Variants in SPATA13 observed in about 807,000 individuals in gnomAD.
The protein encoded by SPATA13 is spermatogenesis associated 13, also known as spermatogenesis-associated protein 13.
SPATA13 carries 50 observed loss-of-function variants against 104.0 expected under a neutral mutation model. The observed-to-expected ratio is 0.48, with a 90% CI of 0.38 to 0.61. The LOEUF (loss-of-function observed/expected upper bound fraction) is 0.61, where lower values mean the gene tolerates loss of function less well. SPATA13 is among the 20% of genes least tolerant of loss of function. The pLI, the probability that SPATA13 is intolerant of heterozygous loss-of-function variation, is 0.00. For missense variants in SPATA13, 1,524 were observed against 1,690.6 expected (o/e 0.90, Z 1.73); for synonymous variants, 606 against 667.5 (o/e 0.91, Z 1.42).
At chr13:23,999,850 C>G (rs937663756) in intron 2 of SPATA13, among the ~76,000 whole-genome samples, 1 of 152,086 alleles carries the variant, frequency 6.6e-6, no homozygotes, top group Non-Finnish European at 1.5e-5. Context: ...GCAGACTTCC[C>G]CTATTTAGAT....
chr13:24,096,960 T>G (rs1880105568), intron 3 of SPATA13, among the ~76,000 whole-genome samples: 1 of 152,188 alleles, frequency 6.6e-6, no homozygotes, highest in South Asian at 2.1e-4. Context: ...TTTTAAAAGA[T>G]CACTCAGGCC....
rs1432028299 is a variant in SPATA13 at position 24,051,105 on chromosome 13, A to G, written c.-112+33404A>G. 1.3e-5 allele frequency among the ~76,000 whole-genome samples: 2 copies of G among 152,066 alleles called. No homozygotes were observed. Among genetic ancestry groups the G allele is most frequent in the East Asian group, 3.9e-4 (2 of 5,190 alleles). On this transcript the variant is annotated intron_variant, in intron 3 of 14. Coordinates refer to the SPATA13 transcript ENST00000424834. The surrounding 1 kb of genome is among the most constrained non-coding windows in gnomAD (Gnocchi z 4.2). ...CTTCTCCGGATTTCCCCCACCTTTT[A>G]TGAATGTCACTGAGCAAATGAACTC...
intron 3 of SPATA13, among the ~76,000 whole-genome samples, chr13:24,128,747 A>C (rs908913678): frequency 7.9e-5 from 12 of 152,142 alleles, no homozygotes; most frequent in African/African-American, 1.4e-4. Context: ...AAAAAAAAAA[A>C]AAAACTGCTT....
chr13:24,269,261 G>T (rs992031598), intron 4 of SPATA13, among the ~76,000 whole-genome samples: 4 of 152,156 alleles, frequency 2.6e-5, no homozygotes, highest in African/African-American at 9.7e-5. Flanking sequence ...CCCTAATTTT[G>T]TTATGGGAAA....
chr13:24,245,594 T>C (rs1290457934), intron 2 of SPATA13, among the ~76,000 whole-genome samples: 1 of 145,996 alleles, frequency 6.8e-6, no homozygotes. Context: ...CTTTTTTTTT[T>C]TTTTTTTTTT....
chr13:24,037,559 A>G (rs1409555534), intron 3 of SPATA13, among the ~76,000 whole-genome samples: 3 of 149,374 alleles, frequency 2.0e-5, no homozygotes, highest in Non-Finnish European at 4.5e-5. Flanking sequence ...AGGTGTGCAC[A>G]CCACCACACC....
intron 3 of SPATA13, among the ~76,000 whole-genome samples, chr13:24,105,316 G>C (rs537581581): frequency 7.2e-5 from 11 of 151,868 alleles, no homozygotes; most frequent in East Asian, 1.9e-4. Flanking sequence ...TTGTATTTTG[G>C]GGGGTAGAGA....
Position 24,153,174 on chromosome 13 carries a change from A to T in SPATA13, c.-111-69645A>T, listed in dbSNP as rs1018871565. 2.0e-5 allele frequency among the ~76,000 whole-genome samples: 3 copies of T among 152,230 alleles called. No individual in the cohort carries two copies. The East Asian group carries it at 5.8e-4, about 29-fold the overall frequency. Reference sequence around the variant, plus strand: ...CATCATAAACATTACGTCCACATACAGACACATTAGCTGCCTGGCAAAGGA... The same window carrying T: ...CATCATAAACATTACGTCCACATACTGACACATTAGCTGCCTGGCAAAGGA... On this transcript the variant is annotated intron_variant, in intron 3 of 14. Coordinates refer to the SPATA13 transcript ENST00000424834.
intron 3 of SPATA13, among the ~76,000 whole-genome samples, chr13:24,027,118 T>C (rs1486586127): frequency 6.7e-6 from 1 of 149,700 alleles, no homozygotes; most frequent in Non-Finnish European, 1.5e-5. Flanking sequence ...TTGTTCCTGA[T>C]ATTTTTTGTT....
intron 3 of SPATA13, among the ~76,000 whole-genome samples, chr13:24,104,426 A>G (rs1262319986): frequency 6.6e-6 from 1 of 152,210 alleles, no homozygotes; most frequent in Admixed American, 6.5e-5. Flanking sequence ...TAAATCCGCT[A>G]ATCCTTAAAA....
At chr13:24,206,657 C>T (rs979539665) in intron 1 of SPATA13, among the ~76,000 whole-genome samples, 5 of 152,060 alleles carry the variant, frequency 3.3e-5, no homozygotes, top group Non-Finnish European at 5.9e-5. Flanking sequence ...TTTGGGAGGC[C>T]GAGGTGGGTG....
chr13:24,056,792 G>C (rs1010802662), intron 3 of SPATA13, among the ~76,000 whole-genome samples: 1 of 152,112 alleles, frequency 6.6e-6, no homozygotes, highest in Admixed American at 6.5e-5. Flanking sequence ...GTGCGTGTCT[G>C]ATAAGATTTC....
At chr13:24,114,304 AG>A (rs771226153) in intron 3 of SPATA13, among the ~76,000 whole-genome samples, 28 of 150,584 alleles carry the variant, frequency 1.9e-4, no homozygotes, top group Non-Finnish European at 3.6e-4. Context: ...TCTGAGAGTT[AG>A]AATTGATTGA....
In SPATA13 at chr13:24,293,515, G is replaced by C. The variant is rs376690777; in HGVS notation, c.3081-1224G>C. On this transcript the variant is annotated intron_variant, in intron 9 of 12. Coordinates refer to ENST00000382108, the MANE Select transcript of SPATA13 (RefSeq NM_001166271.3). ...TTCCTTTAAGGGCATTTTTCACCAA[G>C]AGCATTTGCAGATTTTGGTTTTTTC... is the stretch of plus-strand genomic sequence containing the variant. Among the ~76,000 whole-genome samples, 628 of 152,242 alleles carry C rather than the reference G, an allele frequency of 4.1e-3. 5 individuals carry two copies. Among genetic ancestry groups the C allele is most frequent in the African/African-American group, 0.014 (596 of 41,550 alleles).
intron 1 of SPATA13, among the ~76,000 whole-genome samples, chr13:24,172,261 A>C (rs1883004766): frequency 1.3e-5 from 2 of 152,206 alleles, no homozygotes; most frequent in South Asian, 4.1e-4. Flanking sequence ...TGATACTAAT[A>C]CTCTTTCAGA....
chr13:24,085,661 G>A (rs933100247), intron 3 of SPATA13, among the ~76,000 whole-genome samples: 2 of 152,178 alleles, frequency 1.3e-5, no homozygotes, highest in South Asian at 2.1e-4. Context: ...CATGTGGCCC[G>A]ACTCCCTTTC....
chr13:24,300,117 G>T (rs961858685), intron 11 of SPATA13, among the ~76,000 whole-genome samples: 1 of 152,142 alleles, frequency 6.6e-6, no homozygotes, highest in Non-Finnish European at 1.5e-5. Context: ...ATATTTGCCC[G>T]GGAGCGTCGG....
intron 3 of SPATA13, among the ~76,000 whole-genome samples, chr13:24,064,283 A>G (rs1166717841): frequency 6.6e-6 from 1 of 152,226 alleles, no homozygotes; most frequent in African/African-American, 2.4e-5. Flanking sequence ...CCCACATTTT[A>G]TGAGTTAGTG....
At chr13:24,066,519 C>T (rs535338216) in intron 3 of SPATA13, among the ~76,000 whole-genome samples, 2 of 152,290 alleles carry the variant, frequency 1.3e-5, no homozygotes, top group South Asian at 4.1e-4. Flanking sequence ...TTTTACCACC[C>T]TGGGACAAAC....
Sources: allele counts gnomAD v4.1 joint callset (sites outside exome capture counted in the v4.1 genomes callset), GRCh38; gene constraint gnomAD v4.1.1; non-coding constraint Gnocchi (gnomAD v3.1); transcripts MANE v1.5; gene names NCBI Gene and HGNC (gene_info 2026-07-23, HGNC 2026-07-21).